Variants in SLCO1B1 observed in about 807,000 individuals in gnomAD.
SLCO1B1 encodes the protein solute carrier organic anion transporter family member 1B1, also known as OATP-2.
A neutral mutation model predicts 70.1 loss-of-function variants in SLCO1B1; 81 were observed. The ratio of observed to expected loss-of-function variants is 1.16; its 90% confidence interval spans 0.97 to 1.39. The LOEUF (loss-of-function observed/expected upper bound fraction) is 1.39, where lower values mean the gene tolerates loss of function less well. Among genes scored for constraint, SLCO1B1 ranks in the 40% most tolerant of loss-of-function variants. The probability of loss-of-function intolerance (pLI) is 0.00; values close to 1 mark genes in which losing one functional copy is unlikely to be tolerated. For missense variants in SLCO1B1, 895 were observed against 799.6 expected (o/e 1.12, Z -1.44); for synonymous variants, 283 against 271.5 (o/e 1.04, Z -0.42).
chr12:21,144,691 G>C (rs1940357725), intron 2 of SLCO1B1, among the ~76,000 whole-genome samples: 1 of 152,110 alleles, frequency 6.6e-6, no homozygotes, highest in Admixed American at 6.6e-5. Flanking sequence ...TACAAAAGGA[G>C]CCCCATCAGT....
chr12:21,141,221 A>G (rs1940302914), intron 1 of SLCO1B1, among the ~76,000 whole-genome samples: 1 of 151,908 alleles, frequency 6.6e-6, no homozygotes, highest in East Asian at 1.9e-4. Flanking sequence ...TTAAATTTCT[A>G]TAATTTAAAA....
chr12:21,200,764 AT>A, intron 9 of SLCO1B1, 92 bp downstream of exon 9: 1 of 1,078,656 alleles, frequency 9.3e-7, no homozygotes, highest in Non-Finnish European at 1.3e-6. Flanking sequence ...GTGATTTTGT[AT>A]TTTAGTAATA....
chr12:21,136,188 G>T (rs1033555586), intron 1 of SLCO1B1, among the ~76,000 whole-genome samples: 17 of 152,148 alleles, frequency 1.1e-4, no homozygotes, highest in African/African-American at 3.4e-4. Flanking sequence ...TAGAGTTTCT[G>T]CCGAGAGATC....
At chr12:21,209,308 G>A (rs1339507799) in intron 11 of SLCO1B1, among the ~76,000 whole-genome samples, 1 of 151,758 alleles carries the variant, frequency 6.6e-6, no homozygotes, top group African/African-American at 2.4e-5. Context: ...AATATGCGGT[G>A]TTTGGTTTTT....
intron 1 of SLCO1B1, among the ~76,000 whole-genome samples, chr12:21,139,682 G>C (rs986932326): frequency 6.6e-6 from 1 of 152,092 alleles, no homozygotes; most frequent in Admixed American, 6.5e-5. Context: ...AATCAATACT[G>C]CTGGACTTTC....
chr12:21,135,122 G>T (rs182167186), intron 1 of SLCO1B1, among the ~76,000 whole-genome samples: 18 of 152,292 alleles, frequency 1.2e-4, no homozygotes, highest in Admixed American at 1.1e-3. Context: ...AGATTGTTCA[G>T]TTTCCATGCA....
chr12:21,204,615 C>A (rs1941193478), intron 10 of SLCO1B1, among the ~76,000 whole-genome samples: 1 of 151,680 alleles, frequency 6.6e-6, no homozygotes, highest in South Asian at 2.1e-4. Flanking sequence ...AATATAAACA[C>A]AGATGTGACT....
At chr12:21,180,684 C>T (rs1354914331) in intron 7 of SLCO1B1, among the ~76,000 whole-genome samples, 3 of 152,054 alleles carry the variant, frequency 2.0e-5, no homozygotes, top group Non-Finnish European at 4.4e-5. Context: ...AAAGAAAATA[C>T]TTGATAAAAT....
intron 2 of SLCO1B1, among the ~76,000 whole-genome samples, chr12:21,166,921 C>T (rs572772577): frequency 1.3e-5 from 2 of 152,134 alleles, no homozygotes; most frequent in East Asian, 1.9e-4. Flanking sequence ...ATAGGTAAAG[C>T]GACCTTGGTA....
intron 6 of SLCO1B1, 47 bp from the exon 7 acceptor site, chr12:21,178,875 A>G: frequency 7.0e-7 from 1 of 1,431,498 alleles, no homozygotes; most frequent in South Asian, 1.1e-5. Flanking sequence ...GTGAATAAGA[A>G]CCATGCATTC....
chr12:21,223,227 C>G (rs1299850694), intron 13 of SLCO1B1, among the ~76,000 whole-genome samples: 1 of 152,040 alleles, frequency 6.6e-6, no homozygotes, highest in Non-Finnish European at 1.5e-5. Flanking sequence ...TCTGAGTATC[C>G]TATTTCGATG....
Position 21,239,399 on chromosome 12 carries a change from T to C in SLCO1B1, c.*210T>C, listed in dbSNP as rs896237865. Reference sequence around the variant, plus strand: ...TCATTGTTACATTATAGCTACATATTTGTGGTTAAGGTTAGACTATATGAT... The same window carrying C: ...TCATTGTTACATTATAGCTACATATCTGTGGTTAAGGTTAGACTATATGAT... On this transcript the variant is annotated 3_prime_UTR_variant, in exon 15 of 15. Transcript: ENST00000256958. Among the ~76,000 whole-genome samples, 2 of 152,170 alleles carry C rather than the reference T, an allele frequency of 1.3e-5. No individual in the cohort carries two copies. Among genetic ancestry groups the C allele is most frequent in the African/African-American group, 4.8e-5 (2 of 41,458 alleles).
chr12:21,138,636 G>T (rs1208396902), intron 1 of SLCO1B1, among the ~76,000 whole-genome samples: 1 of 152,100 alleles, frequency 6.6e-6, no homozygotes, highest in Non-Finnish European at 1.5e-5. Context: ...TTTTTCTGGG[G>T]AAGTAGGGGA....
chr12:21,165,795 T>C (rs75284853), intron 2 of SLCO1B1, among the ~76,000 whole-genome samples: 90 of 152,158 alleles, frequency 5.9e-4, no homozygotes, highest in East Asian at 1.9e-3. Flanking sequence ...TCACCAGAAA[T>C]TGACCATGCT....
Position 21,217,104 on chromosome 12 carries a change from T to C in SLCO1B1, c.1498-15T>C, listed in dbSNP as rs763873797. 25 of 1,609,200 alleles carry C rather than the reference T, an allele frequency of 1.6e-5. No individual in the cohort carries two copies. Among genetic ancestry groups the C allele is most frequent in the Non-Finnish European group, 1.9e-5 (22 of 1,176,872 alleles). On this transcript the variant is annotated splice_polypyrimidine_tract_variant and intron_variant, in intron 11 of 14. Coordinates refer to ENST00000256958, the MANE Select transcript of SLCO1B1 (RefSeq NM_006446.5). The stretch of plus-strand genomic sequence containing the variant: ...TGCAAATTTCTTATGTCATATTTTA[T>C]ACACAACGCTTAAGGTGTTTTACAA...
At chr12:21,197,331 A>C (rs1941105880) in intron 8 of SLCO1B1, 143 bp downstream of exon 8, 2 of 835,722 alleles carry the variant, frequency 2.4e-6, no homozygotes, top group Middle Eastern at 3.7e-4. Context: ...TATTTTTCTA[A>C]AACTCCTATT....
chr12:21,178,835 G>A, intron 6 of SLCO1B1, 87 bp from the exon 7 acceptor site: 1 of 1,352,870 alleles, frequency 7.4e-7, no homozygotes, highest in Admixed American at 1.7e-5. Flanking sequence ...TTGGGTATAT[G>A]TATTGTATCA....
chr12:21,161,369 T>C (rs1940617751), intron 2 of SLCO1B1, among the ~76,000 whole-genome samples: 1 of 152,164 alleles, frequency 6.6e-6, no homozygotes, highest in Non-Finnish European at 1.5e-5. Context: ...GAAACATGGA[T>C]GGAGCTGGAA....
In SLCO1B1 at chr12:21,199,789, T is replaced by G. The variant is rs546849388; in HGVS notation, c.971-719T>G. ...TTTTTGTTTGTTTGTTTTTGGGTTTTTTTGTTTGTTTGTTTGTTTGTTTGT... is the reference window on the plus strand; with the variant it reads ...TTTTTGTTTGTTTGTTTTTGGGTTTGTTTGTTTGTTTGTTTGTTTGTTTGT... On this transcript the variant is annotated intron_variant, in intron 8 of 14. Transcript: ENST00000256958. 1.5e-4 allele frequency among the ~76,000 whole-genome samples: 23 copies of G among 151,968 alleles called. No individual in the cohort carries two copies. The South Asian group carries it at 2.7e-3, about 18-fold the overall frequency.
Sources: allele counts gnomAD v4.1 joint callset (sites outside exome capture counted in the v4.1 genomes callset), GRCh38; gene constraint gnomAD v4.1.1; transcripts MANE v1.5; gene names NCBI Gene and HGNC (gene_info 2026-07-23, HGNC 2026-07-21).